PPP1R12B: variants seen among roughly 807,000 people sequenced by gnomAD.
PPP1R12B encodes myosin phosphatase target subunit 2.
PPP1R12B carries 76 observed loss-of-function variants against 126.1 expected under a neutral mutation model. That is an observed-to-expected ratio of 0.60 (90% confidence interval 0.50 to 0.73). PPP1R12B has a LOEUF of 0.73. Among genes scored for constraint, PPP1R12B ranks in the 30% least tolerant of loss-of-function variants. PPP1R12B has a pLI of 0.00. For synonymous variants in PPP1R12B, 356 were observed against 434.7 expected (o/e 0.82, Z 2.25); for missense variants, 1,052 against 1,205.1 (o/e 0.87, Z 1.88).
intron 21 of PPP1R12B, among the ~76,000 whole-genome samples, chr1:202,564,760 G>C (rs191836763): frequency 5.4e-4 from 83 of 152,298 alleles, no homozygotes; most frequent in African/African-American, 1.9e-3. Flanking sequence ...AACAATTCCT[G>C]ATGGTCTGAA....
At chr1:202,420,967 C>CTT (rs56164548) in intron 2 of PPP1R12B, among the ~76,000 whole-genome samples, 3 of 118,548 alleles carry the variant, frequency 2.5e-5, no homozygotes, top group African/African-American at 3.4e-5. Context: ...CCTCTGCCAA[C>CTT]TTTTTTTTTT....
At chr1:202,396,979 G>A (rs557890862) in intron 1 of PPP1R12B, among the ~76,000 whole-genome samples, 7 of 151,690 alleles carry the variant, frequency 4.6e-5, no homozygotes, top group Admixed American at 2.6e-4. Flanking sequence ...AACCTTATTC[G>A]CCAACCTTTT....
chr1:202,488,352 T>G (rs1678423668), intron 13 of PPP1R12B, among the ~76,000 whole-genome samples, 181 bp from the exon 14 acceptor site: 1 of 152,242 alleles, frequency 6.6e-6, no homozygotes, highest in Admixed American at 6.5e-5. Flanking sequence ...AAGGGGGAAC[T>G]ACTGTAATGA....
intron 17 of PPP1R12B, among the ~76,000 whole-genome samples, 163 bp from the exon 18 acceptor site, chr1:202,496,618 T>G (rs1679583597): frequency 6.6e-6 from 1 of 152,228 alleles, no homozygotes; most frequent in Non-Finnish European, 1.5e-5. Context: ...TGCCTGCCTG[T>G]GATGGCTGTG....
intron 10 of PPP1R12B, 176 bp downstream of exon 10, chr1:202,438,200 T>C (rs565597714): frequency 2.3e-5 from 36 of 1,561,466 alleles, no homozygotes; most frequent in Non-Finnish European, 2.8e-5. Context: ...TGCTTGCTAT[T>C]GTTTGCTTGA....
chr1:202,569,418 A>C (rs966733558), intron 23 of PPP1R12B, among the ~76,000 whole-genome samples: 2 of 152,162 alleles, frequency 1.3e-5, no homozygotes, highest in Non-Finnish European at 2.9e-5. Flanking sequence ...TTCTAGGAAA[A>C]AATACTGCCT....
chr1:202,424,524 A>G (rs1571948545), intron 3 of PPP1R12B, among the ~76,000 whole-genome samples: 1 of 152,190 alleles, frequency 6.6e-6, no homozygotes, highest in Admixed American at 6.5e-5. Context: ...GGGTTTCACC[A>G]TGTTGATCAG....
chr1:202,498,707 C>A (rs1482442411), intron 18 of PPP1R12B, among the ~76,000 whole-genome samples: 1 of 152,164 alleles, frequency 6.6e-6, no homozygotes. Flanking sequence ...TTATGACCAC[C>A]TCTCTACCCC....
chr1:202,464,483 A>G (rs34174483), intron 13 of PPP1R12B, among the ~76,000 whole-genome samples: 1 of 152,112 alleles, frequency 6.6e-6, no homozygotes, highest in Non-Finnish European at 1.5e-5. Context: ...AAGTGTTTTA[A>G]TATAGGGAAT....
At chr1:202,407,147 A>G (rs1666720292) in intron 1 of PPP1R12B, among the ~76,000 whole-genome samples, 1 of 152,228 alleles carries the variant, frequency 6.6e-6, no homozygotes, top group Non-Finnish European at 1.5e-5. Context: ...AAAAGTTGCC[A>G]AGTTGTAAGA....
chr1:202,498,859 T>C (rs1196848010), intron 18 of PPP1R12B, among the ~76,000 whole-genome samples: 1 of 152,186 alleles, frequency 6.6e-6, no homozygotes, highest in African/African-American at 2.4e-5. Context: ...GGGCAGCTCT[T>C]TCCTTTCTTG....
intron 13 of PPP1R12B, among the ~76,000 whole-genome samples, chr1:202,465,129 T>C (rs920380941): frequency 2.6e-5 from 4 of 152,222 alleles, no homozygotes; most frequent in African/African-American, 9.6e-5. Flanking sequence ...TAATATTCTT[T>C]TCTTAATTCA....
intron 7 of PPP1R12B, 27 bp downstream of exon 7, chr1:202,430,837 G>C: frequency 6.2e-7 from 1 of 1,607,438 alleles, no homozygotes. Context: ...TGAGTAATGG[G>C]ATGAGCTTTG....
At chr1:202,368,838 C>T (rs1283497634) in intron 1 of PPP1R12B, among the ~76,000 whole-genome samples, 1 of 152,126 alleles carries the variant, frequency 6.6e-6, no homozygotes, top group Non-Finnish European at 1.5e-5. Flanking sequence ...CCCAAGCCAT[C>T]CTTCCACCTC....
At chr1:202,359,508 G>T (rs1001727306) in intron 1 of PPP1R12B, among the ~76,000 whole-genome samples, 1 of 151,982 alleles carries the variant, frequency 6.6e-6, no homozygotes, top group Non-Finnish European at 1.5e-5. Flanking sequence ...TCAGCTGGGC[G>T]TGGTGGCTCA....
chr1:202,487,603 CTTT>C (rs35559949), intron 13 of PPP1R12B, among the ~76,000 whole-genome samples: 1 of 147,062 alleles, frequency 6.8e-6, no homozygotes, highest in Admixed American at 6.8e-5. Flanking sequence ...AGATACATTT[CTTT>C]TTTTTTTTTC....
At chr1:202,377,529 C>T (rs1457056731) in intron 1 of PPP1R12B, among the ~76,000 whole-genome samples, 5 of 151,936 alleles carry the variant, frequency 3.3e-5, no homozygotes. Flanking sequence ...TGGTCTCGAT[C>T]TCCCGACACC....
intron 18 of PPP1R12B, among the ~76,000 whole-genome samples, chr1:202,510,310 T>C (rs1169039723): frequency 6.6e-6 from 1 of 152,210 alleles, no homozygotes; most frequent in South Asian, 2.1e-4. Context: ...TCAGTAGCAA[T>C]CACTGGGGTT....
At chr1:202,352,079 A>G (rs1484502781) in intron 1 of PPP1R12B, among the ~76,000 whole-genome samples, 1 of 152,224 alleles carries the variant, frequency 6.6e-6, no homozygotes, top group Non-Finnish European at 1.5e-5. Flanking sequence ...TGACTAAATT[A>G]AGATTTGGTG....
Sources: gnomAD v4.1 joint callset for allele counts (sites outside exome capture counted in the v4.1 genomes callset) on GRCh38, gnomAD v4.1.1 for gene constraint, MANE v1.5 for transcripts, NCBI Gene and HGNC (gene_info 2026-07-23, HGNC 2026-07-21) for gene names.